Variants in COL22A1 observed in about 807,000 individuals in gnomAD.
The protein encoded by COL22A1 is collagen alpha-1(XXII) chain.
COL22A1 carries 221 observed loss-of-function variants against 248.9 expected under a neutral mutation model. The observed-to-expected ratio is 0.89, with a 90% CI of 0.80 to 0.99. The LOEUF is 0.99. Ranked by LOEUF, COL22A1 falls within the 50% of genes least tolerant of loss-of-function variation. COL22A1 has a pLI of 0.00. For synonymous variants in COL22A1, 891 were observed against 793.4 expected, an observed-to-expected ratio of 1.12 and a Z score of -2.07; for missense variants, 2,240 against 2,179.0, an observed-to-expected ratio of 1.03 and a Z score of -0.56.
chr8:138,762,572 G>T (rs1833574781), intron 16 of COL22A1, 106 bp from the exon 17 acceptor site: 7 of 958,248 alleles, frequency 7.3e-6, no homozygotes, highest in Non-Finnish European at 9.7e-6. Flanking sequence ...GTGGGGAAAA[G>T]GTGCCAAACG....
At chr8:138,857,340 CA>C (rs1398049244) in intron 3 of COL22A1, among the ~76,000 whole-genome samples, 1 of 152,230 alleles carries the variant, frequency 6.6e-6, no homozygotes, top group Non-Finnish European at 1.5e-5. Context: ...GAGGATGGGT[CA>C]GTGCCAAGCA....
At chr8:138,853,524 A>G (rs950329051) in intron 3 of COL22A1, among the ~76,000 whole-genome samples, 9 of 152,154 alleles carry the variant, frequency 5.9e-5, no homozygotes, top group Non-Finnish European at 1.2e-4. Flanking sequence ...AATTACTTTC[A>G]CCAAGAAAAT....
intron 41 of COL22A1, among the ~76,000 whole-genome samples, chr8:138,666,317 A>T (rs1331394389): frequency 6.6e-6 from 1 of 152,164 alleles, no homozygotes; most frequent in Non-Finnish European, 1.5e-5. Flanking sequence ...AACAAAGGGG[A>T]CTTCCAGCTA....
intron 12 of COL22A1, among the ~76,000 whole-genome samples, chr8:138,792,902 A>T (rs963455657): frequency 6.6e-6 from 1 of 152,212 alleles, no homozygotes; most frequent in African/African-American, 2.4e-5. Flanking sequence ...TCCTGGGCAC[A>T]TACTAACTGT....
intron 56 of COL22A1, among the ~76,000 whole-genome samples, chr8:138,611,019 T>C (rs1402443266): frequency 2.0e-5 from 3 of 152,162 alleles, no homozygotes; most frequent in African/African-American, 7.2e-5. Flanking sequence ...TTAACCGTGA[T>C]CATGCCACTG....
chr8:138,675,696 A>C (rs1184399076), intron 41 of COL22A1, among the ~76,000 whole-genome samples: 1 of 152,204 alleles, frequency 6.6e-6, no homozygotes. Context: ...TAAACAGAAG[A>C]ATAGGCTTCA....
intron 49 of COL22A1, among the ~76,000 whole-genome samples, chr8:138,631,974 C>A (rs1454754791): frequency 6.6e-6 from 1 of 152,114 alleles, no homozygotes; most frequent in Non-Finnish European, 1.5e-5. Flanking sequence ...AATCAATATT[C>A]TTGAATAAAT....
chr8:138,877,728 C>T lies in COL22A1; in HGVS notation c.658+22G>A, dbSNP rs763133682. 1.1e-4 allele frequency: 168 copies of T among 1,549,862 alleles called. 2 individuals are homozygous for T. The South Asian group carries it at 1.3e-3, about 12-fold the overall frequency. On this transcript the variant is annotated intron_variant, in intron 3 of 64. Coordinates refer to ENST00000303045, the MANE Select transcript of COL22A1 (RefSeq NM_152888.3). ...GGGGCGTCACTCTTGGGAGGGGCCG[C>T]ATGGGGCCCGGGCGCACTCACTTTC...
chr8:138,682,240 G>A (rs1826020620), intron 39 of COL22A1, among the ~76,000 whole-genome samples: 1 of 149,262 alleles, frequency 6.7e-6, no homozygotes, highest in African/African-American at 2.5e-5. Context: ...CATTCCAGAA[G>A]TGTTGAATCT....
At chr8:138,751,728 T>C (rs1832622113) in intron 21 of COL22A1, among the ~76,000 whole-genome samples, 1 of 152,222 alleles carries the variant, frequency 6.6e-6, no homozygotes, top group Admixed American at 6.5e-5. Flanking sequence ...AGTCAGGATG[T>C]AAGAAACCTA....
At chr8:138,854,707 C>A (rs909573553) in intron 3 of COL22A1, among the ~76,000 whole-genome samples, 1 of 152,136 alleles carries the variant, frequency 6.6e-6, no homozygotes, top group Non-Finnish European at 1.5e-5. Flanking sequence ...GGCCTTCTGC[C>A]CCAGCCTTGG....
chr8:138,901,553 G>A (rs1477120093), intron 1 of COL22A1, among the ~76,000 whole-genome samples: 1 of 151,840 alleles, frequency 6.6e-6, no homozygotes, highest in Admixed American at 6.6e-5. Flanking sequence ...TTTTTGTAGA[G>A]ACAGGGTTTC....
chr8:138,660,891 GACACACAAAC>G lies in COL22A1; in HGVS notation c.3241-421_3241-412del, dbSNP rs1823809725. 3.3e-4 allele frequency among the ~76,000 whole-genome samples: 3 copies of G among 9,040 alleles called. 1 individual carries two copies. The highest frequency in any genetic ancestry group is 3.8e-4 in the African/African-American group (2 of 5,324). The allele number at this position is 9,040 out of a possible 152,430, so 5.9% of individuals were successfully genotyped here. ...AAACACACAGACACACACATACACA[GACACACAAAC>G]ACACACATACACAGACACACACACA... On this transcript the variant is annotated intron_variant, in intron 43 of 64. Coordinates refer to ENST00000303045, the MANE Select transcript of COL22A1 (RefSeq NM_152888.3).
At position 138,676,647 on chromosome 8, in the gene COL22A1, GA is replaced by G; in HGVS notation, c.3073-13del. Reference sequence around the variant, plus strand: ...GCTCCTCGATCCCCCTAGAAAGAGAGAAAAATAAGATCAAGGAGGTCAGTGC... The same window carrying G: ...GCTCCTCGATCCCCCTAGAAAGAGAGAAAATAAGATCAAGGAGGTCAGTGC... On this transcript the variant is annotated splice_polypyrimidine_tract_variant and intron_variant, in intron 40 of 64. Coordinates refer to ENST00000303045, the MANE Select transcript of COL22A1 (RefSeq NM_152888.3). 1 of 1,548,146 alleles carries G rather than the reference GA, an allele frequency of 6.5e-7. No homozygotes were observed. Among genetic ancestry groups the G allele is most frequent in the Non-Finnish European group, 8.8e-7 (1 of 1,141,944 alleles).
intron 60 of COL22A1, 55 bp downstream of exon 60, chr8:138,602,060 C>G: frequency 6.3e-7 from 1 of 1,594,464 alleles, no homozygotes; most frequent in South Asian, 1.1e-5. Context: ...CATCCTGTGG[C>G]CACTGTGCAA....
chr8:138,737,576 C>T lies in COL22A1; in HGVS notation c.2087G>A (p.Gly696Glu). ...AGGTGGTCCCATGTCACCTTTCTTCCCCTGAGTGTAAAAGAAGAAGCTAAA... is the reference window on the plus strand; with the variant it reads ...AGGTGGTCCCATGTCACCTTTCTTCTCCTGAGTGTAAAAGAAGAAGCTAAA... ...DGPPGLQGLR[G>E]KKGDMGPPGI... Residue 696 changes from glycine to glutamate, a missense_variant and splice_region_variant, in exon 23 of 65, where the codon GGG (glycine) becomes GAG (glutamate). Physicochemically the swap from Gly to Glu is moderately conservative, Grantham distance 98. Transcript: ENST00000303045. 1 of 1,608,100 alleles carries T rather than the reference C, an allele frequency of 6.2e-7. No individual in the cohort carries two copies. The highest frequency in any genetic ancestry group is 8.5e-7 in the Non-Finnish European group (1 of 1,174,832).
chr8:138,889,722 C>T (rs981698294), intron 1 of COL22A1, among the ~76,000 whole-genome samples: 2 of 152,310 alleles, frequency 1.3e-5, no homozygotes, highest in East Asian at 1.9e-4. Context: ...TTAGCTGCAA[C>T]TACTGAGCCG....
intron 16 of COL22A1, among the ~76,000 whole-genome samples, chr8:138,771,890 C>T (rs547941406): frequency 2.2e-4 from 34 of 152,280 alleles, no homozygotes; most frequent in South Asian, 1.9e-3. Context: ...CCGACTGCAC[C>T]GCGCCTCAGG....
rs1230549288 is a variant in COL22A1 at position 138,591,491 on chromosome 8, TC to T, written c.4625del (p.Gly1542GlufsTer82). 1 of 1,554,380 alleles carries T rather than the reference TC, an allele frequency of 6.4e-7. No homozygotes were observed. Among genetic ancestry groups the T allele is most frequent in the Admixed American group, 1.9e-5 (1 of 52,636 alleles). Reference protein sequence around the residue: ...SGPIGPKGERGAKGDPGAPGV... With the variant: ...SGPIGPKGERXAKGDPGAPGV... ...CAGGTGCACCTGGGTCACCTTTGGC[TC>T]CTCGCTCACCTGGGAAGAAAAACAT... On this transcript the variant is annotated frameshift_variant, in exon 64 of 65. Transcript: ENST00000303045. LOFTEE classifies it high-confidence loss of function.
Sources: gnomAD v4.1 joint callset for allele counts (sites outside exome capture counted in the v4.1 genomes callset) on GRCh38, gnomAD v4.1.1 for gene constraint, MANE v1.5 for transcripts, NCBI Gene and HGNC (gene_info 2026-07-23, HGNC 2026-07-21) for gene names.